The following MDGA2 variants were observed in gnomAD, a reference collection of about 807,000 sequenced individuals.
MDGA2 encodes MAM domain-containing glycosylphosphatidylinositol anchor protein 2.
MDGA2 carries 40 observed loss-of-function variants against 117.8 expected under a neutral mutation model. The ratio of observed to expected loss-of-function variants is 0.34; its 90% CI spans 0.26 to 0.44. The LOEUF is 0.44. MDGA2 is among the 20% of genes least tolerant of loss of function. The probability of loss-of-function intolerance (pLI) is 1.00; values close to 1 mark genes in which losing one functional copy is unlikely to be tolerated. For synonymous variants in MDGA2, 452 were observed against 439.0 expected, an observed-to-expected ratio of 1.03 and a Z score of -0.37; for missense variants, 1,123 against 1,250.6, an observed-to-expected ratio of 0.90 and a Z score of 1.54.
chr14:47,075,132 T>A (rs571420511), intron 6 of MDGA2, among the ~76,000 whole-genome samples: 1 of 152,224 alleles, frequency 6.6e-6, no homozygotes, highest in African/African-American at 2.4e-5. Context: ...TCTGTCCACA[T>A]TGGATTCAGT....
At chr14:47,249,295 G>A (rs926477045) in intron 2 of MDGA2, among the ~76,000 whole-genome samples, 4 of 151,844 alleles carry the variant, frequency 2.6e-5, no homozygotes, top group African/African-American at 9.7e-5. Flanking sequence ...GAGATTACAG[G>A]CATGAGTCAC....
chr14:47,363,166 T>A (rs1891159743), intron 1 of MDGA2, among the ~76,000 whole-genome samples: 1 of 152,292 alleles, frequency 6.6e-6, no homozygotes, highest in Admixed American at 6.5e-5. Context: ...ATATATTTTA[T>A]ACATACTATT....
At chr14:47,605,464 C>T (rs1230940024) in intron 1 of MDGA2, among the ~76,000 whole-genome samples, 1 of 152,054 alleles carries the variant, frequency 6.6e-6, no homozygotes, top group African/African-American at 2.4e-5. Flanking sequence ...AGCTGGTAAA[C>T]AGAAGATCAG....
chr14:47,109,555 GT>G (rs1277408143), intron 5 of MDGA2, among the ~76,000 whole-genome samples: 4 of 152,070 alleles, frequency 2.6e-5, no homozygotes, highest in African/African-American at 7.2e-5. Context: ...CAAAGAATAG[GT>G]GCTCAATAAA....
intron 1 of MDGA2, among the ~76,000 whole-genome samples, chr14:47,602,816 C>T (rs1392274068): frequency 6.6e-6 from 1 of 152,140 alleles, no homozygotes; most frequent in Non-Finnish European, 1.5e-5. Context: ...ATACGTTGTA[C>T]TATATAGAGA....
At chr14:47,054,654 G>T (rs1160004131) in intron 7 of MDGA2, among the ~76,000 whole-genome samples, 1 of 151,734 alleles carries the variant, frequency 6.6e-6, no homozygotes, top group East Asian at 1.9e-4. Flanking sequence ...CCAAAACAGA[G>T]ATATAGACCA....
intron 1 of MDGA2, among the ~76,000 whole-genome samples, chr14:47,338,659 T>C (rs1410375799): frequency 6.6e-6 from 1 of 152,020 alleles, no homozygotes; most frequent in Non-Finnish European, 1.5e-5. Flanking sequence ...AAAGATGTAG[T>C]GGTAGGTTCA....
intron 1 of MDGA2, among the ~76,000 whole-genome samples, chr14:47,436,305 G>T (rs1048379010): frequency 1.3e-5 from 2 of 152,030 alleles, no homozygotes; most frequent in African/African-American, 2.4e-5. Flanking sequence ...GTGTAGCAAG[G>T]GTTAGAAATA....
intron 1 of MDGA2, among the ~76,000 whole-genome samples, chr14:47,648,506 A>G (rs538104852): frequency 6.6e-6 from 1 of 152,054 alleles, no homozygotes; most frequent in Non-Finnish European, 1.5e-5. Context: ...TCTAATAATG[A>G]TTTGCTCAAA....
At chr14:46,989,835 G>T (rs975479846) in intron 8 of MDGA2, among the ~76,000 whole-genome samples, 1 of 151,966 alleles carries the variant, frequency 6.6e-6, no homozygotes, top group Admixed American at 6.6e-5. Flanking sequence ...AGAATTCTCA[G>T]AATTTGAAAG....
chr14:46,899,957 T>C (rs1469345086), intron 10 of MDGA2, among the ~76,000 whole-genome samples: 1 of 152,012 alleles, frequency 6.6e-6, no homozygotes, highest in East Asian at 1.9e-4. Flanking sequence ...TCAATATCCA[T>C]ATATACTTAG....
chr14:47,321,290 T>C (rs751093724), intron 1 of MDGA2, among the ~76,000 whole-genome samples: 2 of 152,194 alleles, frequency 1.3e-5, no homozygotes, highest in African/African-American at 2.4e-5. Context: ...AAGAGCTTGG[T>C]TGGTATTTTT....
chr14:47,223,575 A>G (rs998951463), intron 2 of MDGA2, among the ~76,000 whole-genome samples: 3 of 152,032 alleles, frequency 2.0e-5, no homozygotes, highest in African/African-American at 7.2e-5. Context: ...TAGGAAATAT[A>G]CTCTTTACTC....
intron 3 of MDGA2, among the ~76,000 whole-genome samples, chr14:47,180,792 G>A (rs750976788): frequency 1.2e-4 from 19 of 152,146 alleles, no homozygotes; most frequent in Non-Finnish European, 1.9e-4. Flanking sequence ...ATGATGGCAC[G>A]CGCCTGTAGT....
chr14:47,537,550 T>TAGAG (rs1895241114), intron 1 of MDGA2, among the ~76,000 whole-genome samples: 1 of 120,090 alleles, frequency 8.3e-6, no homozygotes, highest in African/African-American at 3.2e-5. Context: ...GGGCTGCTAT[T>TAGAG]ATCCACTGTT....
chr14:47,066,754 T>C (rs1279901191), intron 6 of MDGA2, among the ~76,000 whole-genome samples: 1 of 152,010 alleles, frequency 6.6e-6, no homozygotes, highest in African/African-American at 2.4e-5. Flanking sequence ...AAAACTGACA[T>C]CTACGCACAT....
chr14:46,998,638 T>C (rs1259342013), intron 8 of MDGA2, among the ~76,000 whole-genome samples: 2 of 152,160 alleles, frequency 1.3e-5, no homozygotes, highest in African/African-American at 4.8e-5. Flanking sequence ...TTAGTATAGC[T>C]ATTCTTTGCA....
At chr14:47,374,155 T>C in intron 1 of MDGA2, among the ~76,000 whole-genome samples, 1 of 152,146 alleles carries the variant, frequency 6.6e-6, no homozygotes, top group African/African-American at 2.4e-5. Flanking sequence ...TCATCTTTAA[T>C]GTTATGACTA....
chr14:47,341,968 T>G (rs989702392), intron 1 of MDGA2, among the ~76,000 whole-genome samples: 15 of 152,030 alleles, frequency 9.9e-5, no homozygotes, highest in Non-Finnish European at 2.2e-4. Flanking sequence ...GCCTCCCAAG[T>G]AGCTGGGATT....
Sources: allele counts gnomAD v4.1 joint callset (sites outside exome capture counted in the v4.1 genomes callset), GRCh38; gene constraint gnomAD v4.1.1; transcripts MANE v1.5; gene names NCBI Gene and HGNC (gene_info 2026-07-23, HGNC 2026-07-21).